Variants in RGS8 observed in about 807,000 individuals in gnomAD.
RGS8 encodes regulator of G protein signaling 8, also known as regulator of G-protein signaling 8.
RGS8 carries 8 observed loss-of-function variants against 21.7 expected under a neutral mutation model. The ratio of observed to expected loss-of-function variants is 0.37; its 90% CI spans 0.22 to 0.66. RGS8 has a LOEUF of 0.66. RGS8 is among the 30% of genes least tolerant of loss of function. The probability of loss-of-function intolerance (pLI) is 0.59; values close to 1 mark genes in which losing one functional copy is unlikely to be tolerated. For missense variants in RGS8, 157 were observed against 217.9 expected, an observed-to-expected ratio of 0.72 and a Z score of 1.76; for synonymous variants, 80 against 83.6, an observed-to-expected ratio of 0.96 and a Z score of 0.24.
intron 5 of RGS8, among the ~76,000 whole-genome samples, chr1:182,654,921 A>G (rs1239521916): frequency 6.6e-6 from 1 of 152,158 alleles, no homozygotes; most frequent in African/African-American, 2.4e-5. Context: ...GGAAGAGGAG[A>G]AAGACAAGCA....
chr1:182,740,584 C>CTTGG, the RGS8 span, among the ~76,000 whole-genome samples: 1 of 57,468 alleles, frequency 1.7e-5, no homozygotes, highest in Non-Finnish European at 3.3e-5. Context: ...ATTGATCATT[C>CTTGG]TTGGGTGTTT....
chr1:182,675,314 A>T (rs1458409585), upstream of RGS8, among the ~76,000 whole-genome samples: 1 of 151,826 alleles, frequency 6.6e-6, no homozygotes, highest in Non-Finnish European at 1.5e-5. Flanking sequence ...GTATTTCTCA[A>T]CTTCATTTCC....
intron 5 of RGS8, among the ~76,000 whole-genome samples, chr1:182,660,119 A>T (rs186438539): frequency 6.6e-6 from 1 of 152,190 alleles, no homozygotes; most frequent in Admixed American, 6.5e-5. Context: ...TAATTAGAAT[A>T]GTTATTTTTT....
At chr1:182,751,279 A>G in the RGS8 span, among the ~76,000 whole-genome samples, 4 of 152,238 alleles carry the variant, frequency 2.6e-5, no homozygotes, top group Non-Finnish European at 5.9e-5. Context: ...CTACACTTTT[A>G]AAATAAATTA....
chr1:182,703,353 C>G, the RGS8 span, among the ~76,000 whole-genome samples: 11 of 152,194 alleles, frequency 7.2e-5, no homozygotes, highest in Non-Finnish European at 1.3e-4. Context: ...TAACAAACTG[C>G]TCTGACCCAC....
At chr1:182,747,226 TAATTTCAG>T in the RGS8 span, among the ~76,000 whole-genome samples, 1 of 151,818 alleles carries the variant, frequency 6.6e-6, no homozygotes, top group African/African-American at 2.4e-5. Context: ...TAGACACATG[TAATTTCAG>T]CTAAGGTTAT....
At chr1:182,661,808 T>TCACA (rs71127312) in intron 5 of RGS8, among the ~76,000 whole-genome samples, 4,701 of 132,408 alleles carry the variant, frequency 0.036, 95 homozygotes, top group Middle Eastern at 0.06. Flanking sequence ...GTACACACAT[T>TCACA]CACACACACA....
At chr1:182,695,383 T>G in the RGS8 span, among the ~76,000 whole-genome samples, 1 of 152,100 alleles carries the variant, frequency 6.6e-6, no homozygotes, top group African/African-American at 2.4e-5. Context: ...AAAACAAACC[T>G]TCCTCCATTT....
chr1:182,654,643 T>C (rs1299748795), intron 5 of RGS8, among the ~76,000 whole-genome samples: 3 of 152,096 alleles, frequency 2.0e-5, no homozygotes, highest in East Asian at 3.9e-4. Context: ...GAGTGGGCTA[T>C]AGTGGGGAAC....
chr1:182,717,902 ATC>A, the RGS8 span, among the ~76,000 whole-genome samples: 1 of 152,256 alleles, frequency 6.6e-6, no homozygotes, highest in South Asian at 2.1e-4. Flanking sequence ...AGACAAGTTC[ATC>A]TCTTTTTCCA....
chr1:182,660,824 G>A (rs2102425668), intron 5 of RGS8, among the ~76,000 whole-genome samples: 2 of 151,968 alleles, frequency 1.3e-5, no homozygotes, highest in Admixed American at 1.3e-4. Context: ...CCAGGCCCCA[G>A]CCCCAGGGAT....
At chr1:182,721,707 C>A in the RGS8 span, among the ~76,000 whole-genome samples, 2 of 152,238 alleles carry the variant, frequency 1.3e-5, no homozygotes, top group Admixed American at 6.5e-5. Context: ...ACACTGCTGT[C>A]ACCCACTGTG....
At chr1:182,710,607 G>T in the RGS8 span, among the ~76,000 whole-genome samples, 1 of 152,068 alleles carries the variant, frequency 6.6e-6, no homozygotes, top group Admixed American at 6.6e-5. Context: ...AAAACAAAAG[G>T]CCCCCAAAGA....
intron 3 of RGS8, among the ~76,000 whole-genome samples, chr1:182,668,951 A>T (rs1049507241): frequency 7.9e-5 from 12 of 152,206 alleles, no homozygotes; most frequent in Non-Finnish European, 1.5e-4. Flanking sequence ...CCTCAGGATC[A>T]TCAATCATAA....
At chr1:182,729,662 T>C in the RGS8 span, among the ~76,000 whole-genome samples, 1 of 152,192 alleles carries the variant, frequency 6.6e-6, no homozygotes, top group Non-Finnish European at 1.5e-5. Flanking sequence ...ATTAAAAATC[T>C]TATATAGATT....
intron 1 of RGS8, among the ~76,000 whole-genome samples, chr1:182,682,194 G>T (rs1251726318): frequency 2.6e-5 from 4 of 152,178 alleles, no homozygotes; most frequent in Non-Finnish European, 4.4e-5. Context: ...TCACAAGCTG[G>T]GTTGTGCTAT....
chr1:182,674,555 G>A (rs1485474445), upstream of RGS8, among the ~76,000 whole-genome samples: 2 of 152,072 alleles, frequency 1.3e-5, no homozygotes, highest in Admixed American at 6.5e-5. Flanking sequence ...TGCAGGCCCC[G>A]CTTACAAGAG....
the RGS8 span, among the ~76,000 whole-genome samples, chr1:182,740,847 G>A: frequency 6.6e-6 from 1 of 152,178 alleles, no homozygotes; most frequent in South Asian, 2.1e-4. Flanking sequence ...TACAGCACAT[G>A]TTTCAGAGAG....
At chr1:182,719,914 G>T in the RGS8 span, among the ~76,000 whole-genome samples, 1 of 151,888 alleles carries the variant, frequency 6.6e-6, no homozygotes, top group Non-Finnish European at 1.5e-5. Flanking sequence ...TCTCTAATTT[G>T]CCCATACCCT....
Sources: allele counts gnomAD v4.1 joint callset (sites outside exome capture counted in the v4.1 genomes callset), GRCh38; gene constraint gnomAD v4.1.1; transcripts MANE v1.5; gene names NCBI Gene and HGNC (gene_info 2026-07-23, HGNC 2026-07-21).